The following NKAIN3 variants were observed in gnomAD, a reference collection of about 807,000 sequenced individuals.
NKAIN3 encodes sodium/potassium transporting ATPase interacting 3, also known as sodium/potassium-transporting ATPase subunit beta-1-interacting protein 3.
Under a neutral mutation model 30.2 loss-of-function variants are expected in NKAIN3, and 25 were observed. That is an observed-to-expected ratio of 0.83 (90% CI 0.60 to 1.16). The LOEUF is 1.16. Ranked by LOEUF, NKAIN3 falls within the 50% of genes most tolerant of loss-of-function variation. NKAIN3 has a pLI of 0.00. For synonymous variants in NKAIN3, 91 were observed against 89.6 expected, an observed-to-expected ratio of 1.02 and a Z score of -0.09; for missense variants, 225 against 254.1, an observed-to-expected ratio of 0.89 and a Z score of 0.78.
intron 1 of NKAIN3, among the ~76,000 whole-genome samples, chr8:62,410,091 C>T (rs890482370): frequency 3.0e-4 from 46 of 151,914 alleles, no homozygotes; most frequent in African/African-American, 1.0e-3. Context: ...TTTGGGACCC[C>T]CTCCTCCTCC....
intron 1 of NKAIN3, among the ~76,000 whole-genome samples, chr8:62,491,779 A>G (rs896437874): frequency 1.3e-5 from 2 of 152,144 alleles, no homozygotes; most frequent in Admixed American, 1.3e-4. Flanking sequence ...TTGTCAGCCT[A>G]TCTATCCTTC....
intron 4 of NKAIN3, among the ~76,000 whole-genome samples, chr8:62,781,395 T>C (rs1029042200): frequency 2.0e-5 from 3 of 149,156 alleles, no homozygotes; most frequent in Non-Finnish European, 4.4e-5. Context: ...AAATTGACAA[T>C]TTCATTTTTC....
intron 1 of NKAIN3, among the ~76,000 whole-genome samples, chr8:62,508,642 G>A (rs1037248707): frequency 1.3e-5 from 2 of 152,108 alleles, no homozygotes; most frequent in South Asian, 2.1e-4. Flanking sequence ...CTTCAAAGAC[G>A]ACAGAATCAA....
Position 62,616,966 on chromosome 8 carries a change from G to A in NKAIN3, c.273+27172G>A, listed in dbSNP as rs919692496. On this transcript the variant is annotated intron_variant, in intron 3 of 6. Transcript: ENST00000623646. ...TAAATGGTTTAGCACCATCACATTGGTGATGTCCTGATGATAGTGAATGAT... is the reference window on the plus strand; with the variant it reads ...TAAATGGTTTAGCACCATCACATTGATGATGTCCTGATGATAGTGAATGAT... 2.0e-5 allele frequency among the ~76,000 whole-genome samples: 3 copies of A among 152,302 alleles called. No individual in the cohort carries two copies. In the East Asian group the frequency reaches 5.8e-4, roughly 29 times the overall value.
intron 1 of NKAIN3, among the ~76,000 whole-genome samples, chr8:62,568,354 A>T (rs180851015): frequency 6.6e-6 from 1 of 152,330 alleles, no homozygotes; most frequent in Non-Finnish European, 1.5e-5. Context: ...ATTAATAAAT[A>T]TAAAAAATTG....
intron 1 of NKAIN3, among the ~76,000 whole-genome samples, chr8:62,526,229 G>A (rs1808301631): frequency 6.6e-6 from 1 of 152,068 alleles, no homozygotes; most frequent in South Asian, 2.1e-4. Context: ...CAGTAGAAAT[G>A]TAAATATTTC....
chr8:62,755,177 A>G (rs76077141), intron 4 of NKAIN3, among the ~76,000 whole-genome samples: 2,536 of 152,272 alleles, frequency 0.017, 67 homozygotes, highest in African/African-American at 0.059. Flanking sequence ...GAAGTTAAAA[A>G]ATGTGCCCAA....
At chr8:62,458,981 T>G (rs940599008) in intron 1 of NKAIN3, among the ~76,000 whole-genome samples, 1 of 151,228 alleles carries the variant, frequency 6.6e-6, no homozygotes, top group African/African-American at 2.4e-5. Flanking sequence ...TCAAACATCA[T>G]GACTGATAGG....
At chr8:62,280,753 G>A (rs1358157106) in intron 1 of NKAIN3, among the ~76,000 whole-genome samples, 1 of 152,176 alleles carries the variant, frequency 6.6e-6, no homozygotes, top group African/African-American at 2.4e-5. Context: ...TAAGCTTTTT[G>A]ATGTGCTGCT....
At chr8:62,437,349 G>T (rs1451839) in intron 1 of NKAIN3, among the ~76,000 whole-genome samples, 106,960 of 152,134 alleles carry the variant, frequency 0.7, 37,843 homozygotes, top group Non-Finnish European at 0.73. Flanking sequence ...TAACATAAAC[G>T]TTAACACGGA....
intron 3 of NKAIN3, among the ~76,000 whole-genome samples, chr8:62,642,240 C>A: frequency 6.6e-6 from 1 of 152,094 alleles, no homozygotes; most frequent in East Asian, 1.9e-4. Context: ...GAGGTTCCTA[C>A]ATGTCACCAT....
chr8:62,451,042 T>C (rs1274531021), intron 1 of NKAIN3, among the ~76,000 whole-genome samples: 1 of 152,226 alleles, frequency 6.6e-6, no homozygotes, highest in South Asian at 2.1e-4. Flanking sequence ...CATTAATTTT[T>C]TAAATATTGA....
intron 4 of NKAIN3, among the ~76,000 whole-genome samples, chr8:62,834,755 G>T (rs949335325): frequency 1.3e-5 from 2 of 151,910 alleles, no homozygotes; most frequent in East Asian, 1.9e-4. Context: ...AGACCATACT[G>T]CCCAAAGCAA....
intron 1 of NKAIN3, among the ~76,000 whole-genome samples, chr8:62,461,240 G>C (rs150701796): frequency 6.6e-6 from 1 of 152,330 alleles, no homozygotes; most frequent in East Asian, 1.9e-4. Flanking sequence ...AGTTAACAAA[G>C]CAGAGACTTC....
chr8:62,677,470 G>A (rs1813513335), intron 3 of NKAIN3, among the ~76,000 whole-genome samples: 1 of 152,218 alleles, frequency 6.6e-6, no homozygotes, highest in Admixed American at 6.5e-5. Flanking sequence ...ACCCCATTGA[G>A]AGCTATGTGG....
intron 6 of NKAIN3, among the ~76,000 whole-genome samples, chr8:62,960,117 A>G (rs1823529544): frequency 6.6e-6 from 1 of 152,242 alleles, no homozygotes; most frequent in African/African-American, 2.4e-5. Context: ...CTGTGTGTAT[A>G]TAGCTTACGC....
At chr8:62,627,970 G>A (rs1811840468) in intron 3 of NKAIN3, among the ~76,000 whole-genome samples, 1 of 152,068 alleles carries the variant, frequency 6.6e-6, no homozygotes. Context: ...TCATCCAACA[G>A]GCCTTCTTCC....
At chr8:62,620,208 G>A (rs745970265) in intron 3 of NKAIN3, among the ~76,000 whole-genome samples, 12 of 152,078 alleles carry the variant, frequency 7.9e-5, no homozygotes, top group Non-Finnish European at 1.6e-4. Flanking sequence ...CCTTTCAGTC[G>A]TCTCTGTGTC....
chr8:62,549,402 T>A (rs1256975246), intron 1 of NKAIN3, among the ~76,000 whole-genome samples: 1 of 152,184 alleles, frequency 6.6e-6, no homozygotes, highest in Admixed American at 6.6e-5. Flanking sequence ...TTTTTTTTCC[T>A]TGTCATACTG....
Sources: gnomAD v4.1 joint callset for allele counts (sites outside exome capture counted in the v4.1 genomes callset) on GRCh38, gnomAD v4.1.1 for gene constraint, MANE v1.5 for transcripts, NCBI Gene and HGNC (gene_info 2026-07-23, HGNC 2026-07-21) for gene names.